Variants in CACNA1E observed in about 807,000 individuals in gnomAD.
The protein encoded by CACNA1E is calcium voltage-gated channel subunit alpha1 E, also known as voltage-dependent R-type calcium channel subunit alpha-1E.
Under a neutral mutation model 259.2 loss-of-function variants are expected in CACNA1E, and 40 were observed. The ratio of observed to expected loss-of-function variants is 0.15; its 90% CI spans 0.12 to 0.20. The LOEUF (loss-of-function observed/expected upper bound fraction) is 0.20. Among genes scored for constraint, CACNA1E ranks in the 10% least tolerant of loss-of-function variants. The pLI is 1.00. For synonymous variants in CACNA1E, 1,104 were observed against 1,138.5 expected (o/e 0.97, Z 0.61); for missense variants, 1,874 against 3,040.1 (o/e 0.62, Z 9.02).
chr1:181,703,400 C>T (rs1477033805), intron 7 of CACNA1E, among the ~76,000 whole-genome samples: 3 of 152,192 alleles, frequency 2.0e-5, no homozygotes, highest in African/African-American at 4.8e-5. Context: ...GATCACACCA[C>T]GATGGAGCTA....
chr1:181,386,271 G>A (rs1655839774), intron 1 of CACNA1E, among the ~76,000 whole-genome samples: 1 of 152,128 alleles, frequency 6.6e-6, no homozygotes. Context: ...CCCAGGGAAG[G>A]GATACTTTGA....
chr1:181,423,398 C>G (rs1165673802), intron 2 of CACNA1E, among the ~76,000 whole-genome samples: 2 of 152,156 alleles, frequency 1.3e-5, no homozygotes, highest in Non-Finnish European at 2.9e-5. Context: ...AAGCTGGGGT[C>G]CTGAGAGCCT....
Position 181,577,787 on chromosome 1 carries a change from C to A in CACNA1E, c.534C>A (p.Thr178=), listed in dbSNP as rs757171986. 1.2e-6 allele frequency: 2 copies of A among 1,609,638 alleles called. No individual in the cohort carries two copies. Among genetic ancestry groups the A allele is most frequent in the African/African-American group, 2.7e-5 (2 of 74,882 alleles). Residue 178 remains threonine, a synonymous_variant, in exon 4 of 48, where the codon ACC becomes ACA. Transcript: ENST00000367573. ...VLSGILATAG[T]HFNTHVDLRT... ...GCAGCATCCTGGCCACTGCAGGAAC[C>A]CACTTCAATACTCACGTGGACCTGA...
chr1:181,782,007 T>A (rs1486769679), intron 39 of CACNA1E, among the ~76,000 whole-genome samples: 1 of 152,148 alleles, frequency 6.6e-6, no homozygotes, highest in Non-Finnish European at 1.5e-5. Flanking sequence ...AAACAAGAAA[T>A]TTTTAGGAGA....
chr1:181,570,603 T>C (rs943695756), intron 3 of CACNA1E, among the ~76,000 whole-genome samples: 3 of 152,222 alleles, frequency 2.0e-5, no homozygotes, highest in Non-Finnish European at 4.4e-5. Flanking sequence ...CCCCAGAGGC[T>C]TTAGTTCGTT....
At chr1:181,366,093 G>T (rs937851605) in intron 1 of CACNA1E, among the ~76,000 whole-genome samples, 3 of 152,136 alleles carry the variant, frequency 2.0e-5, no homozygotes, top group Admixed American at 6.5e-5. Context: ...AATGGAACCT[G>T]GGCCTGGGGC....
At chr1:181,764,153 G>A (rs1281590981) in intron 34 of CACNA1E, among the ~76,000 whole-genome samples, 2 of 152,194 alleles carry the variant, frequency 1.3e-5, no homozygotes, top group Middle Eastern at 3.2e-3. Context: ...CTGTACAGAG[G>A]TGTACATATG....
chr1:181,659,695 C>T (rs879523485), intron 7 of CACNA1E, among the ~76,000 whole-genome samples: 12 of 152,200 alleles, frequency 7.9e-5, no homozygotes, highest in Non-Finnish European at 1.6e-4. Flanking sequence ...TTGTGTAAAG[C>T]ATGCCATAGT....
chr1:181,418,350 T>C (rs1008782066), intron 2 of CACNA1E, among the ~76,000 whole-genome samples: 5 of 152,160 alleles, frequency 3.3e-5, no homozygotes, highest in African/African-American at 9.7e-5. Context: ...CTTCTCAATC[T>C]CTTGCTAGTT....
At chr1:181,778,163 G>A (rs1400667505) in intron 38 of CACNA1E, among the ~76,000 whole-genome samples, 2 of 152,152 alleles carry the variant, frequency 1.3e-5, no homozygotes, top group Admixed American at 6.5e-5. Context: ...AGTTTGGTTG[G>A]CTTTCTTTAT....
chr1:181,482,635 G>T (rs796167822), upstream of CACNA1E, among the ~76,000 whole-genome samples: 4 of 152,344 alleles, frequency 2.6e-5, no homozygotes, highest in African/African-American at 9.6e-5. Flanking sequence ...CGCGCCGCTC[G>T]CTGTCCTCTG....
intron 3 of CACNA1E, among the ~76,000 whole-genome samples, chr1:181,555,533 G>A (rs569053476): frequency 2.6e-5 from 4 of 152,302 alleles, no homozygotes; most frequent in African/African-American, 9.6e-5. Flanking sequence ...ATGTTACTGT[G>A]GAAGGGAGGG....
intron 6 of CACNA1E, among the ~76,000 whole-genome samples, chr1:181,605,088 G>A (rs1162200344): frequency 6.6e-6 from 1 of 152,166 alleles, no homozygotes; most frequent in Non-Finnish European, 1.5e-5. Context: ...AGTGAGGGAG[G>A]AGAGGGAGAG....
intron 8 of CACNA1E, 47 bp from the exon 9 acceptor site, chr1:181,715,291 A>T: frequency 8.6e-7 from 1 of 1,162,456 alleles, no homozygotes; most frequent in South Asian, 1.3e-5. Flanking sequence ...CTTGCAGAAT[A>T]ATTTGGCATT....
Position 181,572,451 on chromosome 1 carries a change from T to C in CACNA1E, c.513-5315T>C, listed in dbSNP as rs181193565. Among the ~76,000 whole-genome samples the C allele has an allele frequency of 1.1e-3, 168 of 152,282 alleles. 1 individual carries two copies. Among genetic ancestry groups the C allele is most frequent in the African/African-American group, 3.9e-3 (164 of 41,562 alleles). On this transcript the variant is annotated intron_variant, in intron 3 of 47. Transcript: ENST00000367573. ...TTGAGCCATGATCTCTAACAGGAAA[T>C]AGTTATTGAACTTGACTGTGTGCAG...
chr1:181,380,578 G>T (rs1181572978), intron 1 of CACNA1E, among the ~76,000 whole-genome samples: 1 of 152,062 alleles, frequency 6.6e-6, no homozygotes, highest in Non-Finnish European at 1.5e-5. Flanking sequence ...CAAACAAGTG[G>T]CAAATAAGCA....
chr1:181,479,226 T>C (rs141490357), upstream of CACNA1E, among the ~76,000 whole-genome samples: 132 of 152,240 alleles, frequency 8.7e-4, no homozygotes, highest in African/African-American at 2.7e-3. Flanking sequence ...CAAAGTCCCA[T>C]AGGGGAGTAG....
At chr1:181,350,071 C>T (rs1652912934) in intron 1 of CACNA1E, among the ~76,000 whole-genome samples, 2 of 152,156 alleles carry the variant, frequency 1.3e-5, no homozygotes, top group Admixed American at 6.5e-5. Flanking sequence ...AGGAAGCTGC[C>T]TTGGAGCTGC....
intron 34 of CACNA1E, 100 bp from the exon 35 acceptor site, chr1:181,766,446 T>C (rs546492190): frequency 1.2e-6 from 1 of 813,686 alleles, no homozygotes; most frequent in Admixed American, 2.0e-5. Context: ...TGTGTTTGCA[T>C]TAGCCTCCAG....
Sources: gnomAD v4.1 joint callset for allele counts (sites outside exome capture counted in the v4.1 genomes callset) on GRCh38, gnomAD v4.1.1 for gene constraint, MANE v1.5 for transcripts, NCBI Gene and HGNC (gene_info 2026-07-23, HGNC 2026-07-21) for gene names.